The following PRKCE variants were observed in gnomAD, a reference collection of about 807,000 sequenced individuals.
PRKCE encodes the protein protein kinase C epsilon type.
Under a neutral mutation model 85.4 loss-of-function variants are expected in PRKCE, and 16 were observed. That is an observed-to-expected ratio of 0.19 (90% CI 0.13 to 0.28). The LOEUF is 0.28. Ranked by LOEUF, PRKCE falls within the 10% of genes least tolerant of loss-of-function variation. The pLI is 1.00. For synonymous variants in PRKCE, 388 were observed against 371.5 expected, an observed-to-expected ratio of 1.04 and a Z score of -0.51; for missense variants, 573 against 975.2, an observed-to-expected ratio of 0.59 and a Z score of 5.49.
In PRKCE at chr2:46,054,670, A is replaced by G. The variant is rs1666390128; in HGVS notation, c.1438-31538A>G. 3.3e-5 allele frequency among the ~76,000 whole-genome samples: 5 copies of G among 152,366 alleles called. No individual in the cohort carries two copies. In the South Asian group the frequency reaches 1.0e-3, roughly 32 times the overall value. ...GACAGGAGGCAGGGAAATTCGGGGC[A>G]GAAGAGGGCAGGTCCCCAGCAAGGG... On this transcript the variant is annotated intron_variant, in intron 10 of 14. Coordinates refer to ENST00000306156, the MANE Select transcript of PRKCE (RefSeq NM_005400.3).
chr2:45,809,701 T>G (rs1323953026), intron 1 of PRKCE, among the ~76,000 whole-genome samples: 4 of 149,840 alleles, frequency 2.7e-5, no homozygotes, highest in African/African-American at 5.0e-5. Flanking sequence ...CTGGCCAACA[T>G]GGTGAAACCC....
chr2:45,882,594 T>C (rs1171452276), intron 2 of PRKCE, among the ~76,000 whole-genome samples: 1 of 152,254 alleles, frequency 6.6e-6, no homozygotes, highest in Non-Finnish European at 1.5e-5. Context: ...TTCTACTAGA[T>C]GCTTTTCTTT....
chr2:45,975,741 G>T (rs1702406417), intron 2 of PRKCE, among the ~76,000 whole-genome samples: 1 of 152,180 alleles, frequency 6.6e-6, no homozygotes, highest in African/African-American at 2.4e-5. Context: ...GGAAGGTATT[G>T]GGAAGATCTT....
chr2:45,708,888 G>T (rs1679357886), intron 1 of PRKCE, among the ~76,000 whole-genome samples: 1 of 152,200 alleles, frequency 6.6e-6, no homozygotes, highest in South Asian at 2.1e-4. Context: ...AGTCAGAAGA[G>T]GGAAGGAGCC....
chr2:45,692,727 A>ACG (rs1211109014), intron 1 of PRKCE, among the ~76,000 whole-genome samples: 1 of 150,870 alleles, frequency 6.6e-6, no homozygotes, highest in African/African-American at 2.5e-5. Context: ...ACACACACAC[A>ACG]CACCCATGCA....
chr2:46,070,690 C>T (rs1410873257), intron 10 of PRKCE, among the ~76,000 whole-genome samples: 3 of 152,002 alleles, frequency 2.0e-5, no homozygotes, highest in Admixed American at 6.5e-5. Context: ...ATTGACAGCT[C>T]TATTGAATGA....
intron 11 of PRKCE, among the ~76,000 whole-genome samples, chr2:46,141,701 AC>A (rs1232146587): frequency 1.4e-5 from 2 of 147,580 alleles, no homozygotes; most frequent in East Asian, 4.3e-4. Flanking sequence ...TTAAAAAAAG[AC>A]CCCCCTCCTT....
intron 1 of PRKCE, among the ~76,000 whole-genome samples, chr2:45,726,153 T>G (rs1004514476): frequency 6.6e-6 from 1 of 152,216 alleles, no homozygotes; most frequent in African/African-American, 2.4e-5. Flanking sequence ...CTGGTGAAGA[T>G]TCTGTGAATA....
Position 46,150,784 on chromosome 2 carries a change from C to G in PRKCE, c.1732-257C>G, listed in dbSNP as rs61759985. Among the ~76,000 whole-genome samples, 123 of 152,300 alleles carry G rather than the reference C, an allele frequency of 8.1e-4. 2 individuals carry two copies. The highest frequency in any genetic ancestry group is 2.7e-3 in the African/African-American group (113 of 41,548). On this transcript the variant is annotated intron_variant, in intron 12 of 14. Transcript: ENST00000306156. ...TGCCAGTCAGGAACTTTATCTGGTGCTCAAAGAAATAGGAATTTGTTCCCA... is the reference window on the plus strand; with the variant it reads ...TGCCAGTCAGGAACTTTATCTGGTGGTCAAAGAAATAGGAATTTGTTCCCA...
intron 10 of PRKCE, among the ~76,000 whole-genome samples, chr2:46,029,635 T>C (rs1365522600): frequency 3.3e-5 from 5 of 151,604 alleles, no homozygotes; most frequent in African/African-American, 1.2e-4. Context: ...AGCCTGTTCA[T>C]GCATCGCTAA....
At chr2:46,122,624 G>A (rs1468795355) in intron 11 of PRKCE, among the ~76,000 whole-genome samples, 2 of 152,152 alleles carry the variant, frequency 1.3e-5, no homozygotes, top group Admixed American at 6.5e-5. Flanking sequence ...CCAGGTTTGG[G>A]TTGATAGATG....
At chr2:45,752,533 T>G (rs1683662215) in intron 1 of PRKCE, among the ~76,000 whole-genome samples, 1 of 152,060 alleles carries the variant, frequency 6.6e-6, no homozygotes, top group Non-Finnish European at 1.5e-5. Flanking sequence ...TGTATGACGT[T>G]ACGGTGATCA....
At chr2:45,720,540 C>T (rs140854406) in intron 1 of PRKCE, among the ~76,000 whole-genome samples, 1 of 152,118 alleles carries the variant, frequency 6.6e-6, no homozygotes, top group Non-Finnish European at 1.5e-5. Context: ...CCCACCAATG[C>T]CAGTAATTCA....
chr2:46,176,018 G>A (rs1191832335), intron 14 of PRKCE, among the ~76,000 whole-genome samples: 1 of 152,076 alleles, frequency 6.6e-6, no homozygotes, highest in Non-Finnish European at 1.5e-5. Context: ...TCAGGTCTAG[G>A]ATGACTCTCA....
intron 10 of PRKCE, among the ~76,000 whole-genome samples, chr2:46,056,568 G>C (rs1175733423): frequency 6.6e-6 from 1 of 152,178 alleles, no homozygotes. Flanking sequence ...TCAGCAATTA[G>C]CGAATTAAGA....
chr2:46,156,939 G>C (rs1403542017), intron 13 of PRKCE, among the ~76,000 whole-genome samples: 2 of 152,146 alleles, frequency 1.3e-5, no homozygotes, highest in Admixed American at 6.5e-5. Context: ...GTATATACAA[G>C]CAATACAAAT....
At chr2:46,040,107 G>A (rs1230250976) in intron 10 of PRKCE, among the ~76,000 whole-genome samples, 2 of 152,184 alleles carry the variant, frequency 1.3e-5, no homozygotes, top group Non-Finnish European at 1.5e-5. Flanking sequence ...TGAAGGCAGG[G>A]CCTGTTTGCC....
intron 10 of PRKCE, among the ~76,000 whole-genome samples, chr2:46,033,410 C>G (rs1422683057): frequency 6.6e-6 from 1 of 152,188 alleles, no homozygotes; most frequent in Non-Finnish European, 1.5e-5. Flanking sequence ...TTGACTATTG[C>G]ATTGTCCCTC....
At chr2:45,917,392 G>C (rs1257762712) in intron 2 of PRKCE, among the ~76,000 whole-genome samples, 1 of 151,336 alleles carries the variant, frequency 6.6e-6, no homozygotes, top group Non-Finnish European at 1.5e-5. Flanking sequence ...CAATCCCTGA[G>C]CTAGACATTA....
Sources: allele counts gnomAD v4.1 joint callset (sites outside exome capture counted in the v4.1 genomes callset), GRCh38; gene constraint gnomAD v4.1.1; transcripts MANE v1.5; gene names NCBI Gene and HGNC (gene_info 2026-07-23, HGNC 2026-07-21).